Variants in GRID2 observed in about 807,000 individuals in gnomAD.
GRID2 encodes glutamate receptor ionotropic, delta-2.
GRID2 carries 33 observed loss-of-function variants against 114.8 expected under a neutral mutation model. The ratio of observed to expected loss-of-function variants is 0.29; its 90% CI spans 0.22 to 0.38. GRID2 has a LOEUF of 0.38. Among genes scored for constraint, GRID2 ranks in the 10% least tolerant of loss-of-function variants. GRID2 has a pLI of 1.00. For missense variants in GRID2, 1,184 were observed against 1,257.7 expected (o/e 0.94, Z 0.89); for synonymous variants, 505 against 449.9 (o/e 1.12, Z -1.55).
chr4:92,989,902 T>C (rs1165842358), intron 2 of GRID2, among the ~76,000 whole-genome samples: 3 of 152,132 alleles, frequency 2.0e-5, no homozygotes, highest in African/African-American at 7.2e-5. Context: ...TATTGTAAGA[T>C]TCTAAGAACA....
At chr4:93,745,231 A>T (rs1731741984) in intron 14 of GRID2, among the ~76,000 whole-genome samples, 1 of 152,124 alleles carries the variant, frequency 6.6e-6, no homozygotes, top group Non-Finnish European at 1.5e-5. Context: ...TCTGGGGAAA[A>T]AATAAATTTC....
chr4:92,940,529 T>C (rs1184186021), intron 2 of GRID2, among the ~76,000 whole-genome samples: 5 of 152,174 alleles, frequency 3.3e-5, no homozygotes, highest in African/African-American at 4.8e-5. Flanking sequence ...ACAATCTGAC[T>C]TCCTCATTTC....
At chr4:92,617,192 C>T (rs1287796032) in intron 2 of GRID2, among the ~76,000 whole-genome samples, 1 of 151,212 alleles carries the variant, frequency 6.6e-6, no homozygotes, top group Non-Finnish European at 1.5e-5. Flanking sequence ...TGTACCCTTA[C>T]TACCCTCTAG....
intron 2 of GRID2, among the ~76,000 whole-genome samples, chr4:92,836,300 A>G (rs933584923): frequency 3.9e-5 from 6 of 152,160 alleles, no homozygotes; most frequent in Admixed American, 3.9e-4. Flanking sequence ...CTGAAAAATT[A>G]AAATCAAGAA....
intron 4 of GRID2, among the ~76,000 whole-genome samples, chr4:93,163,019 C>T (rs1405838314): frequency 6.6e-6 from 1 of 151,882 alleles, no homozygotes; most frequent in East Asian, 1.9e-4. Flanking sequence ...CTGTTTTATA[C>T]ATTTACTTTA....
intron 2 of GRID2, among the ~76,000 whole-genome samples, chr4:92,915,592 G>C (rs1191522286): frequency 6.6e-6 from 1 of 152,118 alleles, no homozygotes; most frequent in Non-Finnish European, 1.5e-5. Flanking sequence ...AAATGGGATT[G>C]CTGGGCCAAA....
intron 1 of GRID2, among the ~76,000 whole-genome samples, chr4:92,578,096 TTCTTCTTCTTC>T (rs1366894174): frequency 1.8e-5 from 2 of 108,388 alleles, no homozygotes; most frequent in Admixed American, 8.6e-5. Context: ...CTTCTTCTTC[TTCTTCTTCTTC>T]TTCTTCTTTT....
intron 8 of GRID2, among the ~76,000 whole-genome samples, chr4:93,253,543 A>G (rs964116936): frequency 1.3e-5 from 2 of 152,148 alleles, no homozygotes; most frequent in African/African-American, 4.8e-5. Flanking sequence ...ATGAATGTCC[A>G]CATTGTTCCT....
intron 13 of GRID2, among the ~76,000 whole-genome samples, chr4:93,596,022 T>G (rs1739044632): frequency 6.6e-6 from 1 of 152,158 alleles, no homozygotes; most frequent in Non-Finnish European, 1.5e-5. Flanking sequence ...TTAAGTAAAT[T>G]ATTTGTTTAT....
chr4:93,120,169 T>C (rs1424146109), intron 4 of GRID2, among the ~76,000 whole-genome samples: 1 of 152,160 alleles, frequency 6.6e-6, no homozygotes, highest in African/African-American at 2.4e-5. Context: ...AGTTCAACCA[T>C]TGTGGAAGAC....
Position 93,234,948 on chromosome 4 carries a change from C to T in GRID2, c.1126-3423C>T, listed in dbSNP as rs1188073591. 3.3e-5 allele frequency among the ~76,000 whole-genome samples: 5 copies of T among 152,050 alleles called. No homozygotes were observed. In the East Asian group the frequency reaches 9.7e-4, roughly 29 times the overall value. ...CGAGTATGATAAATATTTGATGTCCCACGTGATCCTCCAAAAGTATCTCTT... is the reference window on the plus strand; with the variant it reads ...CGAGTATGATAAATATTTGATGTCCTACGTGATCCTCCAAAAGTATCTCTT... On this transcript the variant is annotated intron_variant, in intron 7 of 15. Transcript: ENST00000282020.
intron 1 of GRID2, among the ~76,000 whole-genome samples, chr4:92,454,933 A>C (rs556131875): frequency 6.6e-6 from 1 of 152,266 alleles, no homozygotes; most frequent in African/African-American, 2.4e-5. Flanking sequence ...ATAAAACCAA[A>C]CTAGAGTATT....
intron 1 of GRID2, among the ~76,000 whole-genome samples, chr4:92,553,225 TG>T (rs1726683796): frequency 6.6e-6 from 1 of 152,164 alleles, no homozygotes; most frequent in South Asian, 2.1e-4. Context: ...GCACCTGCAT[TG>T]GGTAATCTGT....
intron 7 of GRID2, among the ~76,000 whole-genome samples, chr4:93,226,941 T>G (rs1309325514): frequency 6.6e-6 from 1 of 152,176 alleles, no homozygotes; most frequent in African/African-American, 2.4e-5. Context: ...AAGCTTTACC[T>G]GGGTCCACTT....
intron 8 of GRID2, among the ~76,000 whole-genome samples, chr4:93,309,522 A>G (rs1755782782): frequency 6.6e-6 from 1 of 152,004 alleles, no homozygotes; most frequent in Non-Finnish European, 1.5e-5. Flanking sequence ...TTGGTGACAG[A>G]GCAAGACCTT....
chr4:93,038,130 T>G (rs1725093192), intron 2 of GRID2, among the ~76,000 whole-genome samples: 2 of 152,180 alleles, frequency 1.3e-5, no homozygotes, highest in South Asian at 4.1e-4. Context: ...CTCTCTTACT[T>G]CCTTGAGCAG....
At position 92,314,396 on chromosome 4, in the gene GRID2, A is replaced by T. The variant is rs561471517; in HGVS notation, c.88+9652A>T. ...CATAAAATTCTTGTTATAATAGACA[A>T]ATTTAAATCCATTGTAAATTTCCTC... is the stretch of plus-strand genomic sequence containing the variant. On this transcript the variant is annotated intron_variant, in intron 1 of 15. Coordinates refer to ENST00000282020, the MANE Select transcript of GRID2 (RefSeq NM_001510.4). Among the ~76,000 whole-genome samples, 18 of 152,284 alleles carry T rather than the reference A, an allele frequency of 1.2e-4. No individual in the cohort carries two copies. In the South Asian group the frequency reaches 2.1e-3, roughly 18 times the overall value.
intron 3 of GRID2, among the ~76,000 whole-genome samples, chr4:93,088,112 T>A (rs1730481592): frequency 6.6e-6 from 1 of 152,156 alleles, no homozygotes; most frequent in South Asian, 2.1e-4. Flanking sequence ...TATATCAAGT[T>A]AATTAGAGAA....
chr4:92,630,736 G>A (rs764422891), intron 2 of GRID2, among the ~76,000 whole-genome samples: 7 of 152,034 alleles, frequency 4.6e-5, no homozygotes, highest in Non-Finnish European at 8.8e-5. Flanking sequence ...GCATTTTATT[G>A]TGATGGAATT....
Sources: gnomAD v4.1 joint callset for allele counts (sites outside exome capture counted in the v4.1 genomes callset) on GRCh38, gnomAD v4.1.1 for gene constraint, MANE v1.5 for transcripts, NCBI Gene and HGNC (gene_info 2026-07-23, HGNC 2026-07-21) for gene names.